The following PTPN9 variants were observed in gnomAD, a reference collection of about 807,000 sequenced individuals.
PTPN9 encodes protein tyrosine phosphatase non-receptor type 9, also known as tyrosine-protein phosphatase non-receptor type 9.
In PTPN9, 26 loss-of-function variants were observed where a neutral mutation model predicts 69.8. That is an observed-to-expected ratio of 0.37 (90% CI 0.27 to 0.52). The LOEUF (loss-of-function observed/expected upper bound fraction) is 0.52, where lower values mean the gene tolerates loss of function less well. Ranked by LOEUF, PTPN9 falls within the 20% of genes least tolerant of loss-of-function variation. The probability of loss-of-function intolerance (pLI) is 0.91; values close to 1 mark genes in which losing one functional copy is unlikely to be tolerated. For synonymous variants in PTPN9, 274 were observed against 272.5 expected, an observed-to-expected ratio of 1.01 and a Z score of -0.05; for missense variants, 549 against 740.3, an observed-to-expected ratio of 0.74 and a Z score of 3.00.
At chr15:75,529,370 G>A (rs2074945104) in intron 1 of PTPN9, among the ~76,000 whole-genome samples, 1 of 152,080 alleles carries the variant, frequency 6.6e-6, no homozygotes, top group South Asian at 2.1e-4. Context: ...ACTTTTCTCA[G>A]CTGTTTGTCT....
In PTPN9 at chr15:75,463,624, AG is replaced by A. The variant is rs2074525328; in HGVS notation, c.*5144del. On this transcript the variant is annotated 3_prime_UTR_variant, in exon 13 of 13. Coordinates refer to ENST00000618819, the MANE Select transcript of PTPN9 (RefSeq NM_002833.4). The stretch of plus-strand genomic sequence containing the variant: ...GATTTTATGACAGCCAAGGTAAAGA[AG>A]GGAGATTTAAACATTGTAACAGGTT... 1 of 152,214 alleles carries A rather than the reference AG, an allele frequency of 6.6e-6. No individual in the cohort carries two copies. Among genetic ancestry groups the A allele is most frequent in the Non-Finnish European group, 1.5e-5 (1 of 68,038 alleles). The allele number at this position is 152,214 out of a possible 1,614,324, so 9.4% of individuals were successfully genotyped here.
At chr15:75,517,154 A>C (rs901966085) in intron 5 of PTPN9, 105 bp downstream of exon 5, 4 of 758,904 alleles carry the variant, frequency 5.3e-6, no homozygotes, top group Non-Finnish European at 8.4e-6. Context: ...CATTGAACAT[A>C]ATGTCTGAAG....
At chr15:75,537,368 A>C (rs963376971) in intron 1 of PTPN9, among the ~76,000 whole-genome samples, 2 of 147,136 alleles carry the variant, frequency 1.4e-5, no homozygotes, top group East Asian at 2.0e-4. Flanking sequence ...AAAAAAAAAA[A>C]AAAACTAGTG....
intron 1 of PTPN9, among the ~76,000 whole-genome samples, chr15:75,538,736 A>G (rs888713007): frequency 1.3e-5 from 2 of 152,200 alleles, no homozygotes; most frequent in Non-Finnish European, 1.5e-5. Flanking sequence ...GAAACCACAC[A>G]GTGTATATCT....
intron 7 of PTPN9, among the ~76,000 whole-genome samples, chr15:75,495,846 A>G (rs1311067506): frequency 6.6e-6 from 1 of 152,190 alleles, no homozygotes; most frequent in Non-Finnish European, 1.5e-5. Context: ...TTGAATTGAT[A>G]AGATCATTAG....
At chr15:75,549,425 C>G (rs2075047371) in intron 1 of PTPN9, among the ~76,000 whole-genome samples, 1 of 152,002 alleles carries the variant, frequency 6.6e-6, no homozygotes, top group African/African-American at 2.4e-5. Context: ...GGTCTCTTAA[C>G]TCCTCAGTTC....
intron 7 of PTPN9, among the ~76,000 whole-genome samples, chr15:75,502,520 T>C (rs1328742065): frequency 1.3e-5 from 2 of 152,020 alleles, no homozygotes; most frequent in East Asian, 3.9e-4. Context: ...CCAGCTAATT[T>C]GTGTGTGGGT....
chr15:75,508,875 T>C, intron 6 of PTPN9, 42 bp downstream of exon 6: 1 of 1,417,764 alleles, frequency 7.1e-7, no homozygotes, highest in Non-Finnish European at 9.9e-7. Context: ...GAATTCACTG[T>C]ATCTATTCAC....
intron 9 of PTPN9, among the ~76,000 whole-genome samples, 162 bp from the exon 10 acceptor site, chr15:75,473,929 T>G (rs2074582345): frequency 6.6e-6 from 1 of 152,232 alleles, no homozygotes; most frequent in South Asian, 2.1e-4. Context: ...CGTGGACCAA[T>G]CACACCAGCA....
chr15:75,561,048 G>A (rs1242624003), intron 1 of PTPN9, among the ~76,000 whole-genome samples: 3 of 150,320 alleles, frequency 2.0e-5, no homozygotes, highest in East Asian at 2.0e-4. Flanking sequence ...CAGGCATGGC[G>A]GCCCATGCCT....
intron 5 of PTPN9, among the ~76,000 whole-genome samples, chr15:75,515,549 C>T (rs971041768): frequency 6.6e-5 from 10 of 152,078 alleles, no homozygotes; most frequent in Non-Finnish European, 1.5e-5. Flanking sequence ...GGCGGTACTG[C>T]TTGAGCCCAG....
rs1017607866 is a variant in PTPN9 at position 75,467,286 on chromosome 15, A to G, written c.*1483T>C. ...AATAATATACACATTCAAAGAGCTT[A>G]TTACAGTATAAAATTATTGAGGTCT... On this transcript the variant is annotated 3_prime_UTR_variant, in exon 13 of 13. Coordinates refer to ENST00000618819, the MANE Select transcript of PTPN9 (RefSeq NM_002833.4). 2.6e-5 allele frequency: 4 copies of G among 152,652 alleles called. No homozygotes were observed. The highest frequency in any genetic ancestry group is 4.4e-5 in the Non-Finnish European group (3 of 68,046). The allele number at this position is 152,652 out of a possible 1,614,324, so 9.5% of individuals were successfully genotyped here.
intron 7 of PTPN9, among the ~76,000 whole-genome samples, chr15:75,500,370 C>CACAT (rs765326855): frequency 9.4e-5 from 14 of 149,352 alleles, no homozygotes; most frequent in South Asian, 2.1e-4. Flanking sequence ...CACACACACA[C>CACAT]ATATATATAC....
intron 6 of PTPN9, among the ~76,000 whole-genome samples, chr15:75,507,080 A>G (rs1470783865): frequency 1.3e-5 from 2 of 152,192 alleles, no homozygotes; most frequent in African/African-American, 4.8e-5. Flanking sequence ...GAGTTTATAC[A>G]TGCATGTATA....
At chr15:75,481,160 G>A (rs1421490146) in intron 8 of PTPN9, among the ~76,000 whole-genome samples, 1 of 73,040 alleles carries the variant, frequency 1.4e-5, no homozygotes, top group African/African-American at 5.8e-5. Flanking sequence ...CTGCCCGGCC[G>A]AGACCCCCTC....
intron 1 of PTPN9, among the ~76,000 whole-genome samples, chr15:75,558,325 TC>T (rs1421680297): frequency 1.4e-5 from 2 of 144,112 alleles, no homozygotes; most frequent in Admixed American, 1.4e-4. Flanking sequence ...AGACTCCATC[TC>T]AAAAAAAAAA....
At chr15:75,521,583 T>C (rs751473321) in intron 4 of PTPN9, among the ~76,000 whole-genome samples, 1 of 152,108 alleles carries the variant, frequency 6.6e-6, no homozygotes, top group South Asian at 2.1e-4. Flanking sequence ...CAATGGCTTA[T>C]GCTTGTAATC....
At chr15:75,518,300 C>T (rs2074882186) in intron 4 of PTPN9, among the ~76,000 whole-genome samples, 1 of 151,900 alleles carries the variant, frequency 6.6e-6, no homozygotes, top group Admixed American at 6.6e-5. Flanking sequence ...TGCCACTGCA[C>T]TCCAGCCTGG....
At chr15:75,528,464 C>T (rs1256852630) in intron 1 of PTPN9, among the ~76,000 whole-genome samples, 4 of 151,930 alleles carry the variant, frequency 2.6e-5, no homozygotes, top group Admixed American at 6.6e-5. Context: ...CTCACTGCAG[C>T]TTCGACCACC....
Sources: gnomAD v4.1 joint callset for allele counts (sites outside exome capture counted in the v4.1 genomes callset) on GRCh38, gnomAD v4.1.1 for gene constraint, MANE v1.5 for transcripts, NCBI Gene and HGNC (gene_info 2026-07-23, HGNC 2026-07-21) for gene names.